PALM2AKAP2: variants seen among roughly 807,000 people sequenced by gnomAD.
PALM2AKAP2 encodes the protein PALM2 and AKAP2 fusion, also known as PALM2-AKAP2 fusion protein.
PALM2AKAP2 carries 37 observed loss-of-function variants against 71.5 expected under a neutral mutation model. The ratio of observed to expected loss-of-function variants is 0.52; its 90% CI spans 0.40 to 0.68. The LOEUF (loss-of-function observed/expected upper bound fraction) is 0.68. PALM2AKAP2 is among the 30% of genes least tolerant of loss of function. The probability of loss-of-function intolerance (pLI) is 0.00; values close to 1 mark genes in which losing one functional copy is unlikely to be tolerated. For synonymous variants in PALM2AKAP2, 468 were observed against 478.8 expected (o/e 0.98, Z 0.29); for missense variants, 1,224 against 1,191.8 (o/e 1.03, Z -0.40).
intron 3 of PALM2AKAP2, among the ~76,000 whole-genome samples, chr9:109,913,556 AT>A (rs994758031): frequency 4.0e-5 from 6 of 151,026 alleles, no homozygotes; most frequent in Non-Finnish European, 7.4e-5. Flanking sequence ...GCAATTGCTC[AT>A]TTTTTTTTCT....
At position 109,681,606 on chromosome 9, in the gene PALM2AKAP2, A is replaced by T. The variant is rs573350865; in HGVS notation, c.5+40740A>T. Among the ~76,000 whole-genome samples, 7 of 152,344 alleles carry T rather than the reference A, an allele frequency of 4.6e-5. No individual in the cohort carries two copies. The South Asian group carries it at 1.2e-3, about 27-fold the overall frequency. ...AAGGGCAGGCTGGGGGATCAGCATG[A>T]CAAAAGACACTAGGGCAGGATGGAG... On this transcript the variant is annotated intron_variant, in intron 1 of 6. Transcript: ENST00000374531.
chr9:110,121,805 G>A (rs943512966), intron 1 of PALM2AKAP2, among the ~76,000 whole-genome samples: 1 of 152,192 alleles, frequency 6.6e-6, no homozygotes, highest in Non-Finnish European at 1.5e-5. Flanking sequence ...GTATCACCTG[G>A]TTTCCAAGGC....
chr9:109,817,430 A>G (rs1334864037), intron 1 of PALM2AKAP2, among the ~76,000 whole-genome samples: 1 of 152,240 alleles, frequency 6.6e-6, no homozygotes, highest in Non-Finnish European at 1.5e-5. Context: ...TAAAAAATTC[A>G]AACCCCTATA....
intron 1 of PALM2AKAP2, among the ~76,000 whole-genome samples, chr9:109,716,300 T>C (rs1178764910): frequency 6.6e-6 from 1 of 152,194 alleles, no homozygotes; most frequent in Non-Finnish European, 1.5e-5. Context: ...CTGTGCATGG[T>C]TCCTGTGGCC....
At chr9:109,743,246 G>A (rs534924189) in intron 1 of PALM2AKAP2, among the ~76,000 whole-genome samples, 1 of 152,284 alleles carries the variant, frequency 6.6e-6, no homozygotes, top group Admixed American at 6.5e-5. Flanking sequence ...TGTAGTTCCA[G>A]CACTTAGGTG....
intron 3 of PALM2AKAP2, among the ~76,000 whole-genome samples, chr9:109,920,639 A>G (rs1250601124): frequency 1.3e-5 from 2 of 152,070 alleles, no homozygotes; most frequent in Admixed American, 6.6e-5. Flanking sequence ...TCGGCCTCCC[A>G]AAGTGCTGAG....
At chr9:109,710,675 C>G (rs1335489261) in intron 1 of PALM2AKAP2, among the ~76,000 whole-genome samples, 1 of 152,166 alleles carries the variant, frequency 6.6e-6, no homozygotes, top group Non-Finnish European at 1.5e-5. Context: ...GGTTTCCCGT[C>G]TGTCCTCAAC....
intron 6 of PALM2AKAP2, among the ~76,000 whole-genome samples, chr9:109,939,499 A>T (rs1407062389): frequency 6.6e-6 from 1 of 152,222 alleles, no homozygotes; most frequent in Non-Finnish European, 1.5e-5. Flanking sequence ...CAGTGTGTGG[A>T]TTTGTTCACA....
upstream of PALM2AKAP2, among the ~76,000 whole-genome samples, chr9:110,047,827 T>G (rs755131075): frequency 6.6e-6 from 1 of 152,204 alleles, no homozygotes; most frequent in Non-Finnish European, 1.5e-5. Context: ...ACGGTTCATT[T>G]TCAAAGGGTC....
upstream of PALM2AKAP2, among the ~76,000 whole-genome samples, chr9:110,044,599 G>T (rs569534380): frequency 6.6e-6 from 1 of 151,080 alleles, no homozygotes; most frequent in East Asian, 1.9e-4. Flanking sequence ...TGATCCACCC[G>T]CTTCGGCCTC....
At chr9:109,719,154 A>C (rs1402725576) in intron 1 of PALM2AKAP2, among the ~76,000 whole-genome samples, 1 of 152,236 alleles carries the variant, frequency 6.6e-6, no homozygotes. Context: ...ATCGAGGAAC[A>C]AAAACAATAA....
intron 2 of PALM2AKAP2, chr9:110,148,444 G>T (rs1836230836): frequency 6.6e-6 from 1 of 152,284 alleles, no homozygotes; most frequent in Non-Finnish European, 1.5e-5. Context: ...CACCCCTGGG[G>T]CCTTCAAAGG....
chr9:109,644,123 T>G (rs1202319395), intron 1 of PALM2AKAP2, among the ~76,000 whole-genome samples: 7 of 152,170 alleles, frequency 4.6e-5, no homozygotes, highest in African/African-American at 1.7e-4. Flanking sequence ...CCAGGCCCCA[T>G]GTACAACACT....
chr9:109,976,513 G>A (rs1832175600), intron 6 of PALM2AKAP2, among the ~76,000 whole-genome samples: 1 of 152,144 alleles, frequency 6.6e-6, no homozygotes, highest in South Asian at 2.1e-4. Context: ...CTTTAAGCAG[G>A]GTGTTGAAGG....
chr9:109,943,071 C>T, intron 6 of PALM2AKAP2: 4 of 1,614,210 alleles, frequency 2.5e-6, no homozygotes, highest in Non-Finnish European at 3.4e-6. Context: ...GGCAGCAGGC[C>T]CAAGCCCCCA....
At chr9:110,141,749 A>T (rs1276522766) in intron 2 of PALM2AKAP2, among the ~76,000 whole-genome samples, 2 of 152,230 alleles carry the variant, frequency 1.3e-5, no homozygotes, top group African/African-American at 4.8e-5. Context: ...ATTGGATACT[A>T]GGTGATGAAA....
At chr9:110,054,876 A>G (rs538403786) in intron 1 of PALM2AKAP2, among the ~76,000 whole-genome samples, 150 of 152,360 alleles carry the variant, frequency 9.8e-4, no homozygotes, top group Non-Finnish European at 1.6e-3. Context: ...GATAACAGGC[A>G]TGAGCCGCCA....
At chr9:109,887,013 G>C (rs955085231) in intron 3 of PALM2AKAP2, among the ~76,000 whole-genome samples, 1 of 152,188 alleles carries the variant, frequency 6.6e-6, no homozygotes, top group South Asian at 2.1e-4. Context: ...GGATAGAAGT[G>C]TACTTTTCAT....
intron 1 of PALM2AKAP2, among the ~76,000 whole-genome samples, chr9:109,742,059 T>G (rs756059682): frequency 1.3e-5 from 2 of 152,226 alleles, no homozygotes; most frequent in African/African-American, 2.4e-5. Flanking sequence ...TACATCTTGC[T>G]TTTATTTTTA....
Sources: gnomAD v4.1 joint callset for allele counts (sites outside exome capture counted in the v4.1 genomes callset) on GRCh38, gnomAD v4.1.1 for gene constraint, MANE v1.5 for transcripts, NCBI Gene and HGNC (gene_info 2026-07-23, HGNC 2026-07-21) for gene names.